Variants in NYAP2 observed in about 807,000 individuals in gnomAD.
NYAP2 encodes the protein neuronal tyrosine-phosphorylated phosphoinositide-3-kinase adapter 2.
In NYAP2, 23 loss-of-function variants were observed where a neutral mutation model predicts 50.4. The ratio of observed to expected loss-of-function variants is 0.46; its 90% CI spans 0.33 to 0.65. The LOEUF (loss-of-function observed/expected upper bound fraction) is 0.65. NYAP2 is among the 30% of genes least tolerant of loss of function. The probability of loss-of-function intolerance (pLI) is 0.02; values close to 1 mark genes in which losing one functional copy is unlikely to be tolerated. For missense variants in NYAP2, 885 were observed against 861.0 expected (o/e 1.03, Z -0.35); for synonymous variants, 394 against 365.2 (o/e 1.08, Z -0.90).
the NYAP2 span, among the ~76,000 whole-genome samples, chr2:225,686,261 T>C: frequency 6.6e-6 from 1 of 152,208 alleles, no homozygotes; most frequent in Admixed American, 6.5e-5. Flanking sequence ...TGTCATCTTG[T>C]AATATGCAAA....
the NYAP2 span, among the ~76,000 whole-genome samples, chr2:225,669,330 C>T: frequency 2.0e-5 from 3 of 152,156 alleles, no homozygotes; most frequent in South Asian, 2.1e-4. Flanking sequence ...AAGGCCTTAA[C>T]GTAGGTTTCT....
intron 5 of NYAP2, among the ~76,000 whole-genome samples, chr2:225,606,260 G>A (rs959176948): frequency 6.6e-6 from 1 of 152,082 alleles, no homozygotes; most frequent in Non-Finnish European, 1.5e-5. Flanking sequence ...CTATGACTGG[G>A]ACTCCCCAGA....
chr2:225,514,787 C>T (rs1404662717), intron 4 of NYAP2, among the ~76,000 whole-genome samples: 1 of 152,136 alleles, frequency 6.6e-6, no homozygotes, highest in African/African-American at 2.4e-5. Flanking sequence ...AGAGGCGTTC[C>T]ACCAGGTCCC....
chr2:225,612,773 T>C (rs576435748), intron 5 of NYAP2, among the ~76,000 whole-genome samples: 1 of 42,898 alleles, frequency 2.3e-5, no homozygotes, highest in Non-Finnish European at 6.1e-5. Context: ...TAAACCTAAT[T>C]ATCTACCAGA....
chr2:225,514,657 T>C (rs992611975), intron 4 of NYAP2, among the ~76,000 whole-genome samples: 2 of 152,158 alleles, frequency 1.3e-5, no homozygotes, highest in Non-Finnish European at 2.9e-5. Flanking sequence ...GATTAAGTTT[T>C]CAACATTCTA....
intron 4 of NYAP2, among the ~76,000 whole-genome samples, chr2:225,569,700 C>T (rs2106220983): frequency 6.6e-6 from 1 of 152,258 alleles, no homozygotes; most frequent in East Asian, 1.9e-4. Context: ...ACAAATATCT[C>T]CTCCTTATAG....
At chr2:225,584,626 AT>A (rs1301097702) in intron 5 of NYAP2, among the ~76,000 whole-genome samples, 2 of 152,196 alleles carry the variant, frequency 1.3e-5, no homozygotes, top group Non-Finnish European at 2.9e-5. Context: ...AATACTTTTG[AT>A]GATGAAAATG....
chr2:225,536,039 A>T (rs1338403117), intron 4 of NYAP2, among the ~76,000 whole-genome samples: 1 of 152,242 alleles, frequency 6.6e-6, no homozygotes. Context: ...AATGAGTTTC[A>T]GTAAGAGATC....
chr2:225,427,385 C>T (rs1036132465), intron 3 of NYAP2, among the ~76,000 whole-genome samples: 11 of 152,224 alleles, frequency 7.2e-5, no homozygotes, highest in East Asian at 5.8e-4. Flanking sequence ...ACAGTTTCCT[C>T]GTCTGTGACA....
At chr2:225,643,287 T>A (rs1559238366) in intron 6 of NYAP2, among the ~76,000 whole-genome samples, 1 of 152,140 alleles carries the variant, frequency 6.6e-6, no homozygotes, top group Non-Finnish European at 1.5e-5. Context: ...AACTGGTGGT[T>A]CCCAAATCCC....
intron 4 of NYAP2, among the ~76,000 whole-genome samples, chr2:225,564,685 TAA>T (rs5839113): frequency 1.4e-5 from 2 of 144,628 alleles, no homozygotes; most frequent in Admixed American, 1.4e-4. Flanking sequence ...TGCATAAATA[TAA>T]AAAAAAAAAA....
chr2:225,597,238 C>T (rs896645767), intron 5 of NYAP2, among the ~76,000 whole-genome samples: 3 of 151,556 alleles, frequency 2.0e-5, no homozygotes, highest in Admixed American at 2.0e-4. Flanking sequence ...TTTGGTGTGC[C>T]TATCACCTAA....
upstream of NYAP2, among the ~76,000 whole-genome samples, chr2:225,398,501 C>T (rs1424798101): frequency 6.6e-6 from 1 of 151,932 alleles, no homozygotes; most frequent in Non-Finnish European, 1.5e-5. Context: ...GAGAACACTT[C>T]ACTACCAAAA....
intron 5 of NYAP2, among the ~76,000 whole-genome samples, chr2:225,623,346 C>T (rs778185872): frequency 9.2e-5 from 14 of 152,198 alleles, no homozygotes; most frequent in Non-Finnish European, 1.6e-4. Flanking sequence ...AAATAAACTA[C>T]AACCTATCAT....
the NYAP2 span, among the ~76,000 whole-genome samples, chr2:225,689,705 T>G: frequency 6.6e-6 from 1 of 151,900 alleles, no homozygotes; most frequent in South Asian, 2.1e-4. Flanking sequence ...TGCTGATAAA[T>G]GAGGGAGAAT....
the NYAP2 span, among the ~76,000 whole-genome samples, chr2:225,677,718 A>T: frequency 1.3e-5 from 2 of 152,130 alleles, no homozygotes; most frequent in Non-Finnish European, 2.9e-5. Flanking sequence ...AATCATATTT[A>T]TTGATTTGCA....
chr2:225,586,173 C>A (rs893198641), intron 5 of NYAP2, among the ~76,000 whole-genome samples: 3 of 152,006 alleles, frequency 2.0e-5, no homozygotes, highest in Admixed American at 6.6e-5. Context: ...AAAATGTATA[C>A]CTTAAACTCA....
chr2:225,657,402 G>A (rs979797811), downstream of NYAP2, among the ~76,000 whole-genome samples: 3 of 151,744 alleles, frequency 2.0e-5, no homozygotes, highest in South Asian at 4.2e-4. Flanking sequence ...GAGCCACTGC[G>A]CCCAGCAGGA....
intron 4 of NYAP2, among the ~76,000 whole-genome samples, chr2:225,565,555 A>C (rs1691946727): frequency 6.6e-6 from 1 of 152,178 alleles, no homozygotes; most frequent in Admixed American, 6.6e-5. Context: ...TAGCTCTGTG[A>C]TAGATAAATG....
Sources: gnomAD v4.1 joint callset for allele counts (sites outside exome capture counted in the v4.1 genomes callset) on GRCh38, gnomAD v4.1.1 for gene constraint, MANE v1.5 for transcripts, NCBI Gene and HGNC (gene_info 2026-07-23, HGNC 2026-07-21) for gene names.